Variants in ADD3 observed in about 807,000 individuals in gnomAD.
ADD3 encodes adducin 3, also known as gamma-adducin.
A neutral mutation model predicts 80.2 loss-of-function variants in ADD3; 25 were observed. The ratio of observed to expected loss-of-function variants is 0.31; its 90% CI spans 0.23 to 0.44. The LOEUF is 0.44. ADD3 is among the 20% of genes least tolerant of loss of function. The pLI is 1.00. For missense variants in ADD3, 829 were observed against 847.5 expected (o/e 0.98, Z 0.27); for synonymous variants, 284 against 289.6 (o/e 0.98, Z 0.20).
chr10:110,054,406 A>G (rs986560143), intron 1 of ADD3, among the ~76,000 whole-genome samples: 8 of 150,134 alleles, frequency 5.3e-5, no homozygotes, highest in East Asian at 3.9e-4. Flanking sequence ...TCACTCAACT[A>G]GCTGCAAGAT....
intron 12 of ADD3, 93 bp from the exon 13 acceptor site, chr10:110,130,270 A>T: frequency 7.9e-7 from 1 of 1,267,770 alleles, no homozygotes. Flanking sequence ...CACAAACATC[A>T]TATTTGCATT....
At chr10:110,112,097 G>A (rs941251189) in intron 2 of ADD3, 4 of 152,054 alleles carry the variant, frequency 2.6e-5, no homozygotes, top group African/African-American at 9.7e-5. Context: ...TGTATTCAAA[G>A]TTGTGCCCCA....
chr10:110,058,492 G>C (rs1447425368), intron 1 of ADD3, among the ~76,000 whole-genome samples: 1 of 152,156 alleles, frequency 6.6e-6, no homozygotes, highest in African/African-American at 2.4e-5. Context: ...GTGACTTCCT[G>C]TTTGAGAGTT....
At chr10:110,028,733 A>G (rs1281369643) in intron 1 of ADD3, among the ~76,000 whole-genome samples, 1 of 152,224 alleles carries the variant, frequency 6.6e-6, no homozygotes, top group African/African-American at 2.4e-5. Flanking sequence ...CATTGTTTAA[A>G]TAGAAAGAAA....
chr10:110,033,856 T>C (rs895284307), intron 1 of ADD3, among the ~76,000 whole-genome samples: 2 of 152,204 alleles, frequency 1.3e-5, no homozygotes, highest in African/African-American at 4.8e-5. Flanking sequence ...GATTAACTCA[T>C]CTGCATTTCC....
At chr10:110,129,870 G>T (rs1336205968) in intron 12 of ADD3, among the ~76,000 whole-genome samples, 1 of 152,010 alleles carries the variant, frequency 6.6e-6, no homozygotes, top group African/African-American at 2.4e-5. Flanking sequence ...TTTTGGGAGG[G>T]ATGAAAAATA....
rs192345567 is a variant in ADD3, at chr10:110,130,748, C to G, written c.1732+262C>G. Among the ~76,000 whole-genome samples the G allele has an allele frequency of 5.9e-4, 90 of 151,842 alleles. No homozygotes were observed. The East Asian group carries it at 0.015, about 26-fold the overall frequency. On this transcript the variant is annotated intron_variant, in intron 13 of 14. Transcript: ENST00000356080. ...GTACACGCCTGTAGTCCTAGCTACTCTGGTGGCTGAGGCAGGAGAATCGCT... is the reference window on the plus strand; with the variant it reads ...GTACACGCCTGTAGTCCTAGCTACTGTGGTGGCTGAGGCAGGAGAATCGCT...
intron 1 of ADD3, among the ~76,000 whole-genome samples, chr10:110,015,427 G>A (rs956017151): frequency 2.3e-4 from 35 of 149,952 alleles, no homozygotes; most frequent in African/African-American, 7.9e-4. Flanking sequence ...CCAGGCTGGA[G>A]TGCAGTGGCC....
intron 9 of ADD3, chr10:110,123,783 T>C: frequency 2.0e-6 from 1 of 496,752 alleles, no homozygotes; most frequent in East Asian, 3.4e-5. Flanking sequence ...TCGGGAACAG[T>C]TGTGTGAGTG....
At chr10:110,117,062 A>G (rs1350321023) in intron 4 of ADD3, among the ~76,000 whole-genome samples, 1 of 152,146 alleles carries the variant, frequency 6.6e-6, no homozygotes, top group Non-Finnish European at 1.5e-5. Flanking sequence ...TAATATTAGC[A>G]TTTATTTTTC....
chr10:110,092,512 A>C (rs145796784), intron 1 of ADD3, among the ~76,000 whole-genome samples: 17 of 152,296 alleles, frequency 1.1e-4, no homozygotes, highest in African/African-American at 3.8e-4. Flanking sequence ...AATGGTAACT[A>C]AACATTGAAT....
intron 1 of ADD3, among the ~76,000 whole-genome samples, chr10:110,083,628 T>C (rs1447550694): frequency 6.6e-6 from 1 of 152,200 alleles, no homozygotes; most frequent in East Asian, 1.9e-4. Flanking sequence ...GGATGGACTT[T>C]GAAGTCTTTC....
intron 1 of ADD3, among the ~76,000 whole-genome samples, chr10:110,049,244 G>A (rs984711753): frequency 1.3e-5 from 2 of 152,244 alleles, no homozygotes; most frequent in Non-Finnish European, 2.9e-5. Flanking sequence ...CCAGGCAGAA[G>A]TTTGCTGCAG....
At chr10:110,076,852 AACTC>A (rs1845429807) in intron 1 of ADD3, among the ~76,000 whole-genome samples, 1 of 152,212 alleles carries the variant, frequency 6.6e-6, no homozygotes. Flanking sequence ...TACAAACATG[AACTC>A]TCCCCCACTT....
chr10:110,131,223 T>C (rs1852932331), intron 13 of ADD3, among the ~76,000 whole-genome samples: 2 of 152,176 alleles, frequency 1.3e-5, no homozygotes, highest in Admixed American at 1.3e-4. Flanking sequence ...GTAAGTAGAT[T>C]GTTAGGATTA....
chr10:110,082,224 T>A (rs940550655), intron 1 of ADD3, among the ~76,000 whole-genome samples: 1 of 135,516 alleles, frequency 7.4e-6, no homozygotes, highest in South Asian at 2.5e-4. Flanking sequence ...TTGCTTTGTT[T>A]TGAGTATCAC....
intron 1 of ADD3, among the ~76,000 whole-genome samples, chr10:110,082,455 T>G (rs1051363280): frequency 3.3e-5 from 5 of 152,220 alleles, no homozygotes; most frequent in African/African-American, 1.2e-4. Context: ...TAAAGACCTA[T>G]TTTGAGTTTT....
At chr10:110,111,527 A>G (rs760675721) in intron 2 of ADD3, among the ~76,000 whole-genome samples, 2 of 152,180 alleles carry the variant, frequency 1.3e-5, no homozygotes, top group Non-Finnish European at 2.9e-5. Context: ...TTTGATCTCT[A>G]TAAACACTGT....
intron 1 of ADD3, among the ~76,000 whole-genome samples, chr10:110,058,137 A>T (rs1269272041): frequency 6.8e-6 from 1 of 146,910 alleles, no homozygotes; most frequent in African/African-American, 2.5e-5. Flanking sequence ...TGCCATATGC[A>T]TGCTATTTTG....
Sources: allele counts gnomAD v4.1 joint callset (sites outside exome capture counted in the v4.1 genomes callset), GRCh38; gene constraint gnomAD v4.1.1; transcripts MANE v1.5; gene names NCBI Gene and HGNC (gene_info 2026-07-23, HGNC 2026-07-21).